ATP2C1: variants seen among roughly 807,000 people sequenced by gnomAD.
The protein encoded by ATP2C1 is calcium-transporting ATPase type 2C member 1.
Under a neutral mutation model 120.5 loss-of-function variants are expected in ATP2C1, and 31 were observed. That is an observed-to-expected ratio of 0.26 (90% CI 0.19 to 0.35). The LOEUF (loss-of-function observed/expected upper bound fraction) is 0.35. ATP2C1 is among the 10% of genes least tolerant of loss of function. The pLI, the probability that ATP2C1 is intolerant of heterozygous loss-of-function variation, is 1.00. For missense variants in ATP2C1, 731 were observed against 1,107.5 expected (o/e 0.66, Z 4.83); for synonymous variants, 351 against 358.7 (o/e 0.98, Z 0.24).
chr3:130,914,697 T>A (rs574478098), intron 2 of ATP2C1, among the ~76,000 whole-genome samples: 2 of 152,320 alleles, frequency 1.3e-5, no homozygotes, highest in African/African-American at 4.8e-5. Context: ...AAGCAAGGAA[T>A]TAAAAACATA....
chr3:130,891,687 T>C (rs892745335), upstream of ATP2C1, among the ~76,000 whole-genome samples: 5 of 152,220 alleles, frequency 3.3e-5, no homozygotes, highest in Non-Finnish European at 7.3e-5. Flanking sequence ...ACTTCTATAG[T>C]GCTTATAATT....
chr3:130,904,682 C>T (rs2058042828), intron 2 of ATP2C1, among the ~76,000 whole-genome samples: 1 of 151,936 alleles, frequency 6.6e-6, no homozygotes, highest in Non-Finnish European at 1.5e-5. Context: ...GCCAGTTTTG[C>T]AATATCCTGT....
At chr3:131,014,591 T>TA (rs988081257) in intron 26 of ATP2C1, among the ~76,000 whole-genome samples, 107 of 152,298 alleles carry the variant, frequency 7.0e-4, no homozygotes, top group African/African-American at 2.3e-3. Context: ...TGGTGATACT[T>TA]AAAAACTTTT....
chr3:130,931,958 C>T lies in ATP2C1; in HGVS notation c.118-64C>T, dbSNP rs1337701834. On this transcript the variant is annotated intron_variant, in intron 3 of 27. Transcript: ENST00000510168. ...ATGTGATAATACATTATATTATGTG[C>T]TTTTTTGTGTTTTTCTTTTCTGTGC... 3 of 1,062,950 alleles carry T rather than the reference C, an allele frequency of 2.8e-6. No individual in the cohort carries two copies. The African/African-American group carries it at 4.7e-5, about 17-fold the overall frequency. The allele number at this position is 1,062,950 out of a possible 1,614,324, so 65.8% of individuals were successfully genotyped here. A position where few individuals can be genotyped will look rare whatever the true frequency, so the allele number is the denominator to read the frequency against.
intron 11 of ATP2C1, among the ~76,000 whole-genome samples, chr3:130,957,006 T>C (rs218495): frequency 0.47 from 70,999 of 151,992 alleles, 18,710 homozygotes; most frequent in Middle Eastern, 0.64. Context: ...TGGAATAAAC[T>C]TGGTAAGAGG....
chr3:130,914,744 T>C (rs2058603118), intron 2 of ATP2C1, among the ~76,000 whole-genome samples: 1 of 152,242 alleles, frequency 6.6e-6, no homozygotes, highest in East Asian at 1.9e-4. Flanking sequence ...CAAGTAGTTG[T>C]GTAGGTGGGA....
Position 130,918,991 on chromosome 3 carries a change from T to TAAAC in ATP2C1, c.7-11405_7-11402dup, listed in dbSNP as rs201494306. The TAAAC allele has an allele frequency of 2.1e-3, 874 of 417,432 alleles. 4 individuals carry two copies. The highest frequency in any genetic ancestry group is 3.1e-3 in the Non-Finnish European group (661 of 212,718). 25.9% of individuals were successfully genotyped at this position (417,432 alleles called of 1,614,324 possible). A position where few individuals can be genotyped will look rare whatever the true frequency, so the allele number is the denominator to read the frequency against. On this transcript the variant is annotated intron_variant, in intron 2 of 27. Coordinates refer to ENST00000510168, the MANE Select transcript of ATP2C1 (RefSeq NM_001378687.1). The stretch of plus-strand genomic sequence containing the variant: ...TGGGCAACAGAGCAAGACTCCGTCT[T>TAAAC]AAACAAACAAACAAACAAACAAAAA...
At chr3:130,879,766 G>A (rs1393506058) in intron 1 of ATP2C1, among the ~76,000 whole-genome samples, 1 of 152,090 alleles carries the variant, frequency 6.6e-6, no homozygotes, top group Non-Finnish European at 1.5e-5. Context: ...ATTCTGGGTG[G>A]GTGCGATAGT....
chr3:130,850,746 G>C, exon 1 of ATP2C1: 1 of 664,208 alleles, frequency 1.5e-6, no homozygotes, highest in Non-Finnish European at 2.4e-6. Context: ...AGGCATCTGA[G>C]GAATTGCTAA....
chr3:130,872,476 CCTAT>C (rs1000564189), intron 1 of ATP2C1, among the ~76,000 whole-genome samples: 12 of 152,104 alleles, frequency 7.9e-5, no homozygotes, highest in African/African-American at 2.2e-4. Flanking sequence ...CTCTAAAATG[CCTAT>C]CTGTGATTAT....
chr3:130,998,412 G>A, intron 26 of ATP2C1, 23 bp downstream of exon 26: 1 of 1,465,926 alleles, frequency 6.8e-7, no homozygotes, highest in Non-Finnish European at 9.6e-7. Flanking sequence ...GAACTTAGTT[G>A]ATTGACTTGA....
chr3:130,980,313 T>C (rs547765244), intron 19 of ATP2C1, among the ~76,000 whole-genome samples: 2 of 151,952 alleles, frequency 1.3e-5, no homozygotes, highest in East Asian at 3.9e-4. Context: ...CTTGAACTCC[T>C]GGGCTCAAGT....
rs2060716323 is a variant in ATP2C1, at chr3:130,959,314, T to A, written c.872T>A (p.Ile291Asn). 6.2e-7 allele frequency: 1 copy of A among 1,608,876 alleles called. No individual in the cohort carries two copies. Among genetic ancestry groups the A allele is most frequent in the South Asian group, 1.1e-5 (1 of 90,988 alleles). ...GTTGGCTGGTTACTGGGAAAAGATA[T>A]CCTGGAAATGTTTACTATTAGTGTA... ...MLVGWLLGKD[I>N]LEMFTISVSL... Residue 291 changes from isoleucine to asparagine, a missense_variant, in exon 12 of 28, where the codon ATC becomes AAC. Transcript: ENST00000510168.
In ATP2C1 at chr3:130,963,953, T is replaced by C. The variant is rs749233813; in HGVS notation, c.900-18T>C. 8 of 1,612,196 alleles carry C rather than the reference T, an allele frequency of 5.0e-6. No individual in the cohort carries two copies. Among genetic ancestry groups the C allele is most frequent in the Admixed American group, 3.3e-5 (2 of 59,932 alleles). ...CTGTTTAACCTACATTTTAATACTT[T>C]GTATATGTTGGTTATAGTTTGGCTG... On this transcript the variant is annotated intron_variant, in intron 12 of 27. Transcript: ENST00000510168.
intron 12 of ATP2C1, 118 bp downstream of exon 12, chr3:130,959,459 C>T (rs749340267): frequency 3.9e-5 from 26 of 659,692 alleles, no homozygotes; most frequent in Non-Finnish European, 5.7e-5. Flanking sequence ...AGTATAACAT[C>T]GCTACATAAA....
At chr3:130,923,284 T>C (rs1242733949) in intron 2 of ATP2C1, among the ~76,000 whole-genome samples, 1 of 151,994 alleles carries the variant, frequency 6.6e-6, no homozygotes, top group African/African-American at 2.4e-5. Context: ...TGGAGTGTAG[T>C]GGTGCGACCT....
intron 2 of ATP2C1, among the ~76,000 whole-genome samples, chr3:130,907,569 A>G (rs756876927): frequency 2.6e-5 from 4 of 152,034 alleles, no homozygotes; most frequent in Non-Finnish European, 4.4e-5. Flanking sequence ...TCAAAAATCA[A>G]TTGACCAGAA....
intron 8 of ATP2C1, among the ~76,000 whole-genome samples, chr3:130,944,557 C>G (rs546757024): frequency 6.6e-6 from 1 of 152,256 alleles, no homozygotes; most frequent in Non-Finnish European, 1.5e-5. Flanking sequence ...AGCCTCATGA[C>G]CGCATCTAAC....
chr3:130,925,855 G>T (rs993123276), intron 2 of ATP2C1, among the ~76,000 whole-genome samples: 3 of 152,092 alleles, frequency 2.0e-5, no homozygotes, highest in African/African-American at 4.8e-5. Context: ...AGTCCCAGGG[G>T]GATTGTGGCT....
Sources: gnomAD v4.1 joint callset for allele counts (sites outside exome capture counted in the v4.1 genomes callset) on GRCh38, gnomAD v4.1.1 for gene constraint, MANE v1.5 for transcripts, NCBI Gene and HGNC (gene_info 2026-07-23, HGNC 2026-07-21) for gene names.